Variants in ATP2C2 observed in about 807,000 individuals in gnomAD.
The protein encoded by ATP2C2 is calcium-transporting ATPase type 2C member 2.
A neutral mutation model predicts 110.8 loss-of-function variants in ATP2C2; 171 were observed. The observed-to-expected ratio is 1.54, with a 90% CI of 1.36 to 1.75. The LOEUF is 1.75. Ranked by LOEUF, ATP2C2 falls within the 40% of genes most tolerant of loss-of-function variation. ATP2C2 has a pLI of 0.00. For synonymous variants in ATP2C2, 804 were observed against 508.4 expected (o/e 1.58, Z -7.82); for missense variants, 1,963 against 1,235.0 (o/e 1.59, Z -8.84).
chr16:84,445,077 C>G (rs146980534), intron 15 of ATP2C2, among the ~76,000 whole-genome samples: 31 of 152,328 alleles, frequency 2.0e-4, no homozygotes, highest in Middle Eastern at 3.4e-3. Context: ...GGCTCCGTCT[C>G]CCAGTTTCTG....
chr16:84,429,384 C>A (rs1461565706), intron 11 of ATP2C2, among the ~76,000 whole-genome samples: 1 of 152,072 alleles, frequency 6.6e-6, no homozygotes, highest in East Asian at 1.9e-4. Flanking sequence ...AACTCCTGAC[C>A]TCAGGTGATC....
intron 23 of ATP2C2, 173 bp from the exon 24 acceptor site, chr16:84,460,479 CTG>C (rs551639096): frequency 7.6e-5 from 65 of 858,476 alleles, no homozygotes; most frequent in Admixed American, 5.2e-4. Context: ...GACCCAGGCT[CTG>C]GGGCTTCTGG....
intron 7 of ATP2C2, among the ~76,000 whole-genome samples, chr16:84,416,274 G>C (rs2150534232): frequency 6.6e-6 from 1 of 152,330 alleles, no homozygotes; most frequent in East Asian, 1.9e-4. Context: ...ACTCTGCTGA[G>C]ATTATCCTGG....
chr16:84,400,585 C>T (rs192148933), intron 2 of ATP2C2, among the ~76,000 whole-genome samples: 113 of 152,298 alleles, frequency 7.4e-4, no homozygotes, highest in African/African-American at 2.6e-3. Flanking sequence ...CCTCAGCCTC[C>T]CAAAGTGCTG....
intron 1 of ATP2C2, among the ~76,000 whole-genome samples, chr16:84,395,487 C>G (rs1904916090): frequency 6.7e-6 from 1 of 149,288 alleles, no homozygotes; most frequent in South Asian, 2.1e-4. Context: ...GAGACAGAGT[C>G]TCACTCTGTT....
intron 1 of ATP2C2, among the ~76,000 whole-genome samples, chr16:84,371,508 A>G (rs1236547304): frequency 6.6e-6 from 1 of 152,258 alleles, no homozygotes; most frequent in Non-Finnish European, 1.5e-5. Context: ...CTGTCTCAAA[A>G]CAAAACAACA....
Position 84,415,580 on chromosome 16 carries a change from C to T in ATP2C2, c.613C>T (p.Arg205Ter), listed in dbSNP as rs201484573. ...SIGDRIPADI[R>*]LTEVTDLLVD... ...CGGAGACCGGATCCCTGCAGACATC[C>T]GACTCACTGAGGTGAGTGGTTCCAA... The change falls in exon 7 of 27, where the codon CGA becomes TGA. Residue 205 changes from arginine (R) to a stop codon, truncating the protein, a stop_gained. Coordinates refer to ENST00000262429, the MANE Select transcript of ATP2C2 (RefSeq NM_014861.4). LOFTEE classifies it high-confidence loss of function. 24 of 1,613,244 alleles carry T rather than the reference C, an allele frequency of 1.5e-5. No individual in the cohort carries two copies. The highest frequency in any genetic ancestry group is 5.3e-5 in the African/African-American group (4 of 74,874).
At chr16:84,440,626 A>C (rs1310784992) in intron 13 of ATP2C2, among the ~76,000 whole-genome samples, 1 of 152,248 alleles carries the variant, frequency 6.6e-6, no homozygotes. Flanking sequence ...TACTGGCTGC[A>C]GAGTATCCCA....
intron 1 of ATP2C2, 82 bp from the exon 2 acceptor site, chr16:84,398,417 C>A (rs6564033): frequency 0.035 from 29,295 of 835,596 alleles, 1,457 homozygotes; most frequent in African/African-American, 0.2. Flanking sequence ...AAAAAATAAA[C>A]TAATAAAAAT....
intron 8 of ATP2C2, 21 bp downstream of exon 8, chr16:84,422,560 G>A (rs1312279478): frequency 1.9e-6 from 3 of 1,612,542 alleles, no homozygotes; most frequent in South Asian, 1.1e-5. Context: ...GGACACCGAG[G>A]CCTTGGGCTC....
intron 1 of ATP2C2, among the ~76,000 whole-genome samples, chr16:84,381,106 C>T (rs1910555192): frequency 1.3e-5 from 2 of 152,130 alleles, no homozygotes; most frequent in African/African-American, 2.4e-5. Flanking sequence ...AAAAGAGAGT[C>T]GGCAAAGGGT....
Position 84,423,276 on chromosome 16 carries a change from G to A in ATP2C2, c.919+13G>A. 6.2e-7 allele frequency: 1 copy of A among 1,611,546 alleles called. No individual in the cohort carries two copies. Among genetic ancestry groups the A allele is most frequent in the East Asian group, 2.2e-5 (1 of 44,866 alleles). On this transcript the variant is annotated intron_variant, in intron 10 of 26. Coordinates refer to ENST00000262429, the MANE Select transcript of ATP2C2 (RefSeq NM_014861.4). ...TTTGGCATAATCGGTGAGTGAAGCA[G>A]TTTCCATACTGGGTTTGTTCTGCAG...
In ATP2C2 at chr16:84,380,344, G is replaced by T. The variant is rs116105966; in HGVS notation, c.99+11630G>T. Among the ~76,000 whole-genome samples the T allele has an allele frequency of 3.3e-5, 5 of 152,254 alleles. No individual in the cohort carries two copies. In the South Asian group the frequency reaches 1.0e-3, roughly 32 times the overall value. On this transcript the variant is annotated intron_variant, in intron 1 of 26. Transcript: ENST00000262429. ...TACTATCTTGTGTGAACCGGGAATT[G>T]TATGTTTTTTTTCTTCTTTCCCTTT... is the stretch of plus-strand genomic sequence containing the variant.
chr16:84,409,687 G>A (rs1423658788), intron 4 of ATP2C2, among the ~76,000 whole-genome samples: 6 of 152,016 alleles, frequency 3.9e-5, no homozygotes, highest in African/African-American at 1.4e-4. Context: ...ATTTTTAGTA[G>A]AGATGAGGTT....
chr16:84,453,826 G>GCTAT (rs767176863), intron 20 of ATP2C2, among the ~76,000 whole-genome samples: 1 of 150,988 alleles, frequency 6.6e-6, no homozygotes, highest in Non-Finnish European at 1.5e-5. Flanking sequence ...TAAAAGAGAA[G>GCTAT]CTATCTTTTT....
At chr16:84,433,750 T>C (rs1262975455) in intron 11 of ATP2C2, among the ~76,000 whole-genome samples, 1 of 152,018 alleles carries the variant, frequency 6.6e-6, no homozygotes, top group Non-Finnish European at 1.5e-5. Context: ...TTATAAGCCA[T>C]GAGAAGCTTC....
At chr16:84,423,375 T>C in intron 10 of ATP2C2, 112 bp downstream of exon 10, 1 of 1,011,134 alleles carries the variant, frequency 9.9e-7, no homozygotes, top group Non-Finnish European at 1.5e-6. Context: ...GCATAAGGCT[T>C]GGGGATTGGG....
intron 1 of ATP2C2, among the ~76,000 whole-genome samples, chr16:84,391,015 G>A (rs916511710): frequency 1.3e-5 from 2 of 150,760 alleles, no homozygotes. Flanking sequence ...TCGAGTGGGT[G>A]AGGCAGGAGA....
intron 6 of ATP2C2, 61 bp from the exon 7 acceptor site, chr16:84,415,422 C>G (rs572809896): frequency 7.5e-7 from 1 of 1,339,142 alleles, no homozygotes; most frequent in South Asian, 1.2e-5. Context: ...TCAAATGTAT[C>G]AAGGTGCATA....
Sources: gnomAD v4.1 joint callset for allele counts (sites outside exome capture counted in the v4.1 genomes callset) on GRCh38, gnomAD v4.1.1 for gene constraint, MANE v1.5 for transcripts, NCBI Gene and HGNC (gene_info 2026-07-23, HGNC 2026-07-21) for gene names.